The following CDC16 variants were observed in gnomAD, a reference collection of about 807,000 sequenced individuals.
The protein encoded by CDC16 is cell division cycle 16, also known as cell division cycle protein 16 homolog.
In CDC16, 34 loss-of-function variants were observed where a neutral mutation model predicts 87.0. That is an observed-to-expected ratio of 0.39 (90% CI 0.30 to 0.52). CDC16 has a LOEUF of 0.52. CDC16 is among the 20% of genes least tolerant of loss of function. The pLI is 0.74. For synonymous variants in CDC16, 263 were observed against 260.6 expected, an observed-to-expected ratio of 1.01 and a Z score of -0.09; for missense variants, 653 against 751.9, an observed-to-expected ratio of 0.87 and a Z score of 1.54.
intron 12 of CDC16, among the ~76,000 whole-genome samples, chr13:114,255,384 C>T (rs1197746942): frequency 6.6e-6 from 1 of 152,150 alleles, no homozygotes; most frequent in East Asian, 1.9e-4. Flanking sequence ...TCACCCGCTT[C>T]CTATTACACT....
chr13:114,239,293 C>G, intron 4 of CDC16, 57 bp from the exon 5 acceptor site: 4 of 1,550,258 alleles, frequency 2.6e-6, no homozygotes, highest in Non-Finnish European at 2.6e-6. Context: ...AAATTCGGAT[C>G]ATGTGTTTCG....
intron 15 of CDC16, among the ~76,000 whole-genome samples, chr13:114,262,310 C>T (rs2082903468): frequency 6.6e-6 from 1 of 152,110 alleles, no homozygotes; most frequent in Non-Finnish European, 1.5e-5. Flanking sequence ...TATGTCTGGG[C>T]AATTTTAGGT....
At chr13:114,262,721 T>C (rs542108883) in intron 15 of CDC16, among the ~76,000 whole-genome samples, 158 bp from the exon 16 acceptor site, 1 of 152,188 alleles carries the variant, frequency 6.6e-6, no homozygotes, top group Non-Finnish European at 1.5e-5. Flanking sequence ...AGAGGGCATA[T>C]TGAGATGCAT....
chr13:114,248,977 G>T (rs1017541402), intron 11 of CDC16, among the ~76,000 whole-genome samples: 29 of 151,862 alleles, frequency 1.9e-4, no homozygotes, highest in Non-Finnish European at 3.2e-4. Flanking sequence ...CTCCCAGGGT[G>T]GGGGGACTGG....
rs115279217 is a variant in CDC16, at chr13:114,235,026, G to C, written c.-59G>C. 2 of 1,225,352 alleles carry C rather than the reference G, an allele frequency of 1.6e-6. No individual in the cohort carries two copies. Among genetic ancestry groups the C allele is most frequent in the Non-Finnish European group, 2.0e-6 (2 of 975,608 alleles). 75.9% of individuals were successfully genotyped at this position (1,225,352 alleles called of 1,614,324 possible). Reference sequence around the variant, plus strand: ...GCACGGGCACGGGGCGGGGTGCTTAGGGTGCAGGAGGCGCGCGCCTAGCGG... The same window carrying C: ...GCACGGGCACGGGGCGGGGTGCTTACGGTGCAGGAGGCGCGCGCCTAGCGG... On this transcript the variant is annotated 5_prime_UTR_variant, in exon 1 of 18. Transcript: ENST00000356221.
At chr13:114,266,197 A>C (rs371335163) in intron 17 of CDC16, among the ~76,000 whole-genome samples, 10 of 152,300 alleles carry the variant, frequency 6.6e-5, no homozygotes, top group African/African-American at 2.4e-4. Context: ...GCAGAGCCTT[A>C]GATTTTGAGA....
chr13:114,235,200 T>C, intron 1 of CDC16, 68 bp downstream of exon 1: 2 of 1,082,252 alleles, frequency 1.8e-6, no homozygotes, highest in South Asian at 4.6e-5. Flanking sequence ...GGCGTGGGGC[T>C]GGGGTGACTG....
At chr13:114,272,063 T>G (rs1227815420) in intron 17 of CDC16, 121 bp from the exon 18 acceptor site, 6 of 574,322 alleles carry the variant, frequency 1.0e-5, no homozygotes, top group Non-Finnish European at 1.8e-5. Flanking sequence ...ATGATGGAGT[T>G]TTGTATTTTA....
intron 7 of CDC16, among the ~76,000 whole-genome samples, chr13:114,243,615 G>T (rs575487898): frequency 1.3e-4 from 20 of 151,760 alleles, no homozygotes; most frequent in Non-Finnish European, 2.6e-4. Flanking sequence ...AGATTTTTTT[G>T]TTATGCTTCC....
At chr13:114,247,993 G>A (rs1240128325) in intron 11 of CDC16, among the ~76,000 whole-genome samples, 9 of 152,112 alleles carry the variant, frequency 5.9e-5, no homozygotes, top group African/African-American at 1.7e-4. Context: ...TTACTTTTAG[G>A]ATTTCTTTTA....
At chr13:114,244,115 T>C in intron 8 of CDC16, 126 bp downstream of exon 8, 2 of 671,852 alleles carry the variant, frequency 3.0e-6, no homozygotes, top group Non-Finnish European at 5.0e-6. Flanking sequence ...TTACCAATTG[T>C]AGAGCACTGA....
chr13:114,253,014 G>C (rs1202784257), intron 12 of CDC16, among the ~76,000 whole-genome samples: 1 of 152,170 alleles, frequency 6.6e-6, no homozygotes, highest in East Asian at 1.9e-4. Context: ...GTGCCTGCCT[G>C]TAATCCCAGC....
intron 17 of CDC16, among the ~76,000 whole-genome samples, chr13:114,267,765 G>A (rs2083330800): frequency 6.9e-6 from 1 of 145,228 alleles, no homozygotes; most frequent in African/African-American, 2.9e-5. Context: ...CACTGCCTTT[G>A]GGAGTCCTCC....
In CDC16 at chr13:114,258,757, C is replaced by T. The variant is rs968145194; in HGVS notation, c.1251-578C>T. Among the ~76,000 whole-genome samples, 6 of 152,060 alleles carry T rather than the reference C, an allele frequency of 3.9e-5. No homozygotes were observed. In the South Asian group the frequency reaches 6.2e-4, roughly 16 times the overall value. ...ATCTAACTGTATTTCCCCTGGCAGC[C>T]GCGGTTCAATATTTGCTAACTCAGT... On this transcript the variant is annotated intron_variant, in intron 13 of 17. Coordinates refer to ENST00000356221, the MANE Select transcript of CDC16 (RefSeq NM_001078645.3).
At chr13:114,259,520 G>A (rs1384765686) in intron 14 of CDC16, 122 bp downstream of exon 14, 6 of 558,942 alleles carry the variant, frequency 1.1e-5, no homozygotes, top group Non-Finnish European at 1.8e-5. Context: ...TTCATAACAA[G>A]CGGCTGTTAA....
chr13:114,245,425 T>G (rs2081813861), intron 9 of CDC16, among the ~76,000 whole-genome samples: 1 of 152,190 alleles, frequency 6.6e-6, no homozygotes, highest in African/African-American at 2.4e-5. Flanking sequence ...CCTTAAATTT[T>G]TCTAAACTGA....
rs191819887 is a variant in CDC16 at position 114,255,098 on chromosome 13, G to A, written c.1098-1980G>A. ...GAGTTTGACTCTTCTGCAACAATGT[G>A]GATTTGAATTCCTATGTAGTATCCT... On this transcript the variant is annotated intron_variant, in intron 12 of 17. Coordinates refer to ENST00000356221, the MANE Select transcript of CDC16 (RefSeq NM_001078645.3). Among the ~76,000 whole-genome samples, 342 of 152,228 alleles carry A rather than the reference G, an allele frequency of 2.2e-3. 1 individual carries two copies. Among genetic ancestry groups the A allele is most frequent in the African/African-American group, 8.0e-3 (334 of 41,550 alleles).
At chr13:114,242,067 AAAGTT>A in intron 5 of CDC16, 49 bp from the exon 6 acceptor site, 2 of 1,548,126 alleles carry the variant, frequency 1.3e-6, no homozygotes, top group Non-Finnish European at 1.7e-6. Flanking sequence ...AGAAAAAAAA[AAAGTT>A]AAGTTTAAAA....
chr13:114,235,819 CTG>C (rs1209052372), intron 1 of CDC16, among the ~76,000 whole-genome samples: 2 of 152,166 alleles, frequency 1.3e-5, no homozygotes, highest in Non-Finnish European at 2.9e-5. Flanking sequence ...ATTTGGAGGG[CTG>C]TGTTTTTATT....
Sources: gnomAD v4.1 joint callset for allele counts (sites outside exome capture counted in the v4.1 genomes callset) on GRCh38, gnomAD v4.1.1 for gene constraint, MANE v1.5 for transcripts, NCBI Gene and HGNC (gene_info 2026-07-23, HGNC 2026-07-21) for gene names.